The following PDE4DIP variants were observed in gnomAD, a reference collection of about 807,000 sequenced individuals.
The protein encoded by PDE4DIP is myomegalin.
PDE4DIP carries 59 observed loss-of-function variants against 221.4 expected under a neutral mutation model. The observed-to-expected ratio is 0.27, with a 90% CI of 0.22 to 0.33. The LOEUF is 0.33. Ranked by LOEUF, PDE4DIP falls within the 10% of genes least tolerant of loss-of-function variation. The probability of loss-of-function intolerance (pLI) is 1.00; values close to 1 mark genes in which losing one functional copy is unlikely to be tolerated. For missense variants in PDE4DIP, 1,036 were observed against 2,154.2 expected, an observed-to-expected ratio of 0.48 and a Z score of 10.28; for synonymous variants, 404 against 815.9, an observed-to-expected ratio of 0.50 and a Z score of 8.60.
intron 1 of PDE4DIP, among the ~76,000 whole-genome samples, chr1:148,910,040 T>TATTTTTAA (rs2042500647): frequency 9.5e-6 from 1 of 104,748 alleles, no homozygotes; most frequent in Non-Finnish European, 1.8e-5. Flanking sequence ...CTGGAGTATA[T>TATTTTTAA]ATCAATATAT....
chr1:148,957,959 GAAGT>G (rs1230579508), intron 5 of PDE4DIP, among the ~76,000 whole-genome samples: 12 of 141,418 alleles, frequency 8.5e-5, no homozygotes, highest in African/African-American at 1.6e-4. Flanking sequence ...TTACGCTGAA[GAAGT>G]AAGAAGCCAA....
chr1:148,962,321 T>C (rs782516572), intron 8 of PDE4DIP, 33 bp downstream of exon 11: 2 of 1,529,016 alleles, frequency 1.3e-6, no homozygotes, highest in South Asian at 2.2e-5. Context: ...AGGAGAGACT[T>C]CAGTTGGGGA....
At chr1:148,980,208 A>G (rs2060855451) in intron 20 of PDE4DIP, among the ~76,000 whole-genome samples, 1 of 152,198 alleles carries the variant, frequency 6.6e-6, no homozygotes, top group African/African-American at 2.4e-5. Context: ...TTATAAACGT[A>G]AGGCTATGCC....
chr1:148,968,914 C>T lies in PDE4DIP; in HGVS notation c.1864C>T (p.Arg622Ter), dbSNP rs1778111. The stretch of plus-strand genomic sequence containing the variant: ...AGAGGAGCTGTGCCAGCGTCTACAG[C>T]GAAAGGAAAGGATGCTGCAGGACCT... The change falls in exon 14 of 44, where the codon CGA becomes TGA. Residue 622 changes from arginine (R) to a stop codon, truncating the protein, a stop_gained. Transcript: ENST00000369354. LOFTEE classifies it high-confidence loss of function. The T allele has an allele frequency of 6.2e-7, 1 of 1,613,344 alleles. No homozygotes were observed. The highest frequency in any genetic ancestry group is 2.2e-5 in the East Asian group (1 of 44,886).
intron 5 of PDE4DIP, chr1:148,954,028 T>C: frequency 1.5e-6 from 1 of 685,454 alleles, no homozygotes; most frequent in Non-Finnish European, 2.6e-6. Flanking sequence ...CATGACCCCA[T>C]TTTTGCTGCA....
intron 1 of PDE4DIP, among the ~76,000 whole-genome samples, chr1:148,821,450 A>G (rs1669225990): frequency 6.6e-6 from 1 of 150,796 alleles, no homozygotes; most frequent in South Asian, 2.1e-4. Context: ...GAGGACGTAG[A>G]CAGAAAACAA....
Position 149,017,964 on chromosome 1 carries a change from C to T in PDE4DIP, c.5650+85C>T, listed in dbSNP as rs587716772. 5 of 1,379,556 alleles carry T rather than the reference C, an allele frequency of 3.6e-6. No individual in the cohort carries two copies. In the South Asian group the frequency reaches 4.9e-5, roughly 14 times the overall value. The allele number at this position is 1,379,556 out of a possible 1,614,324, so 85.5% of individuals were successfully genotyped here. A position where few individuals can be genotyped will look rare whatever the true frequency, so the allele number is the denominator to read the frequency against. On this transcript the variant is annotated intron_variant, in intron 34 of 43. Coordinates refer to ENST00000369354, the Ensembl canonical transcript of PDE4DIP. ...TCACAGATATTCTTTACTTCACTCG[C>T]TCCTTATGAACAGTCCAGCAAGGGA...
In PDE4DIP at chr1:148,968,831, A is replaced by C; in HGVS notation, c.1786-5A>C. 5.0e-6 allele frequency: 8 copies of C among 1,606,718 alleles called. No individual in the cohort carries two copies. The highest frequency in any genetic ancestry group is 6.8e-6 in the Non-Finnish European group (8 of 1,175,216). On this transcript the variant is annotated splice_region_variant and splice_polypyrimidine_tract_variant and intron_variant, in intron 13 of 43. Transcript: ENST00000369354. ...CAGAAGCTTACAGTGTCCTTTCTGC[A>C]TTAGGATCTTAGTGCAACACTGCTC...
intron 21 of PDE4DIP, chr1:148,981,724 C>G: frequency 3.6e-6 from 1 of 279,256 alleles, no homozygotes; most frequent in Admixed American, 4.2e-5. Flanking sequence ...ATCCCTAGCC[C>G]CTTCTCGTTC....
intron 5 of PDE4DIP, among the ~76,000 whole-genome samples, chr1:148,949,518 G>A (rs1423728180): frequency 1.3e-5 from 2 of 151,650 alleles, no homozygotes; most frequent in African/African-American, 4.9e-5. Flanking sequence ...AACATTCATT[G>A]TCCAAAATTC....
At chr1:148,955,548 G>A (rs2055053534) in intron 5 of PDE4DIP, among the ~76,000 whole-genome samples, 1 of 152,030 alleles carries the variant, frequency 6.6e-6, no homozygotes, top group South Asian at 2.1e-4. Flanking sequence ...AGCCCATGCA[G>A]AGACAAAGAT....
intron 19 of PDE4DIP, 70 bp from the exon 23 acceptor site, chr1:148,979,667 C>G (rs1401633096): frequency 1.9e-5 from 27 of 1,389,084 alleles, no homozygotes; most frequent in Middle Eastern, 1.8e-4. Flanking sequence ...CATGCTAATG[C>G]ATTTTCTTGT....
intron 21 of PDE4DIP, among the ~76,000 whole-genome samples, chr1:148,989,942 G>A (rs1233410943): frequency 6.6e-6 from 1 of 152,118 alleles, no homozygotes; most frequent in African/African-American, 2.4e-5. Flanking sequence ...ATGGTTTCTG[G>A]GGTTGGTTTG....
chr1:149,010,980 A>G (rs2068436693), intron 31 of PDE4DIP, among the ~76,000 whole-genome samples: 1 of 144,654 alleles, frequency 6.9e-6, no homozygotes, highest in Non-Finnish European at 1.5e-5. Context: ...TTAAATCTGC[A>G]TGGAGATCCT....
At chr1:148,864,408 A>T (rs1685688153) in intron 2 of PDE4DIP, among the ~76,000 whole-genome samples, 3 of 138,136 alleles carry the variant, frequency 2.2e-5, no homozygotes, top group Admixed American at 1.4e-4. Flanking sequence ...CAACAGCACA[A>T]TTATTACTAC....
chr1:148,939,852 GAT>G (rs1489476371), intron 5 of PDE4DIP: 5 of 151,352 alleles, frequency 3.3e-5, no homozygotes, highest in Admixed American at 3.3e-4. Context: ...TATGACTATG[GAT>G]ATGTCACTTC....
chr1:148,866,559 GGGAAGGAAGGAA>G (rs879107996), intron 2 of PDE4DIP: 19 of 25,290 alleles, frequency 7.5e-4, no homozygotes, highest in African/African-American at 1.8e-3. Context: ...AGAGGAGGGA[GGGAAGGAAGGAA>G]GGAAGGAAGG....
intron 22 of PDE4DIP, among the ~76,000 whole-genome samples, chr1:148,994,299 G>A (rs1475828201): frequency 1.3e-5 from 2 of 151,620 alleles, no homozygotes; most frequent in Non-Finnish European, 2.9e-5. Context: ...TTTTGTAATG[G>A]AGAAAAAGTT....
chr1:148,979,534 A>G (rs2060747676), intron 19 of PDE4DIP, among the ~76,000 whole-genome samples: 1 of 151,712 alleles, frequency 6.6e-6, no homozygotes. Context: ...TTTTGCTCCC[A>G]TGTTTGAATT....
Sources: gnomAD v4.1 joint callset for allele counts (sites outside exome capture counted in the v4.1 genomes callset) on GRCh38, gnomAD v4.1.1 for gene constraint, MANE v1.5 for transcripts, NCBI Gene and HGNC (gene_info 2026-07-23, HGNC 2026-07-21) for gene names.